Variants in BSN observed in about 807,000 individuals in gnomAD.
BSN encodes the protein protein bassoon.
Under a neutral mutation model 264.8 loss-of-function variants are expected in BSN, and 57 were observed. The ratio of observed to expected loss-of-function variants is 0.22; its 90% CI spans 0.17 to 0.27. The LOEUF is 0.27. Ranked by LOEUF, BSN falls within the 10% of genes least tolerant of loss-of-function variation. The probability of loss-of-function intolerance (pLI) is 1.00; values close to 1 mark genes in which losing one functional copy is unlikely to be tolerated. For missense variants in BSN, 4,615 were observed against 5,232.5 expected, an observed-to-expected ratio of 0.88 and a Z score of 3.64; for synonymous variants, 2,059 against 2,137.3, an observed-to-expected ratio of 0.96 and a Z score of 1.01.
chr3:49,664,719 C>T (rs2052699015), intron 9 of BSN, 80 bp from the exon 10 acceptor site: 3 of 1,584,672 alleles, frequency 1.9e-6, no homozygotes, highest in Non-Finnish European at 1.7e-6. Context: ...GCTGAGCTTG[C>T]CTTCACTATG....
chr3:49,650,481 C>T, intron 3 of BSN, 131 bp from the exon 4 acceptor site: 1 of 865,070 alleles, frequency 1.2e-6, no homozygotes, highest in African/African-American at 1.7e-5. Context: ...GTCTTTTTCT[C>T]CTTATGTCTT....
At chr3:49,587,099 G>A (rs184874412) in intron 1 of BSN, among the ~76,000 whole-genome samples, 1 of 152,086 alleles carries the variant, frequency 6.6e-6, no homozygotes, top group East Asian at 1.9e-4. Flanking sequence ...GTGTTTCATA[G>A]TTTTCCTTAT....
chr3:49,607,383 G>C (rs544813994), intron 1 of BSN, among the ~76,000 whole-genome samples: 1 of 152,172 alleles, frequency 6.6e-6, no homozygotes, highest in South Asian at 2.1e-4. Context: ...AGGCATTCTG[G>C]GTGTGGTGAT....
chr3:49,568,370 G>A lies in BSN; in HGVS notation c.224+13544G>A, dbSNP rs144892322. Among the ~76,000 whole-genome samples the A allele has an allele frequency of 2.7e-3, 416 of 152,254 alleles. 3 individuals carry two copies. Among genetic ancestry groups the A allele is most frequent in the African/African-American group, 9.3e-3 (386 of 41,556 alleles). ...ATTTAATTTTTAAAAATTATATAAA[G>A]CTTTCCTATGATTCCAAATAAAACA... On this transcript the variant is annotated intron_variant, in intron 1 of 11. Coordinates refer to ENST00000296452, the MANE Select transcript of BSN (RefSeq NM_003458.4).
intron 1 of BSN, among the ~76,000 whole-genome samples, chr3:49,571,461 G>A (rs2051794500): frequency 6.6e-6 from 1 of 152,154 alleles, no homozygotes; most frequent in Admixed American, 6.5e-5. Flanking sequence ...AGTAGACTGG[G>A]GTTGGGGAGA....
intron 1 of BSN, among the ~76,000 whole-genome samples, chr3:49,607,971 T>C (rs2052172207): frequency 6.6e-6 from 1 of 152,186 alleles, no homozygotes; most frequent in Admixed American, 6.5e-5. Context: ...TGAGGGGGAC[T>C]GAGAATCAAT....
At chr3:49,579,703 G>C (rs907306243) in intron 1 of BSN, among the ~76,000 whole-genome samples, 1 of 151,916 alleles carries the variant, frequency 6.6e-6, no homozygotes, top group African/African-American at 2.4e-5. Context: ...TTACAGGTGT[G>C]AGCCACCGCA....
At chr3:49,593,992 C>T (rs2052001583) in intron 1 of BSN, among the ~76,000 whole-genome samples, 1 of 151,848 alleles carries the variant, frequency 6.6e-6, no homozygotes, top group African/African-American at 2.4e-5. Context: ...TTAGTAGAGA[C>T]AGGGTTTCAC....
rs2052722707 is a variant in BSN at position 49,667,835 on chromosome 3, G to C, written c.*350G>C. The C allele has an allele frequency of 6.6e-6, 1 of 152,472 alleles. No individual in the cohort carries two copies. The highest frequency in any genetic ancestry group is 2.4e-5 in the African/African-American group (1 of 41,452). The allele number at this position is 152,472 out of a possible 1,614,324, so 9.4% of individuals were successfully genotyped here. On this transcript the variant is annotated 3_prime_UTR_variant, in exon 12 of 12. Transcript: ENST00000296452. ...CCCTCTCCAGAAACCCTGCCACCAT[G>C]GTGTCTTGCCGTACTTCCCACAGCC...
chr3:49,594,704 CTG>C (rs1254284348), intron 1 of BSN, among the ~76,000 whole-genome samples: 1 of 151,968 alleles, frequency 6.6e-6, no homozygotes, highest in Non-Finnish European at 1.5e-5. Context: ...TTTTCTATGT[CTG>C]TAAAAAAATT....
rs1159578565 is a variant in BSN at position 49,554,821 on chromosome 3, G to C, written c.219G>C (p.Pro73=). 5 of 1,141,480 alleles carry C rather than the reference G, an allele frequency of 4.4e-6. No homozygotes were observed. The highest frequency in any genetic ancestry group is 1.6e-5 in the African/African-American group (1 of 60,662). 70.7% of individuals were successfully genotyped at this position (1,141,480 alleles called of 1,614,324 possible). Residue 73 remains proline (P), a synonymous_variant, in exon 1 of 12, where the codon CCG becomes CCC. Coordinates refer to ENST00000296452, the MANE Select transcript of BSN (RefSeq NM_003458.4). ...CCGGCCCCGGTCCCGGCCCTGGCCC[G>C]GGCAGGTAAGCGCGTGTCTCGGCGC... ...PGPGPGPGPG[P]GSTSRRLDPK... is the part of the protein sequence containing the mutation.
At chr3:49,587,923 T>TTTTCTTTTCTTTTCTTTTCTTTTC (rs1418602183) in intron 1 of BSN, among the ~76,000 whole-genome samples, 12 of 148,730 alleles carry the variant, frequency 8.1e-5, no homozygotes, top group African/African-American at 3.0e-4. Flanking sequence ...TTTTCTTTTC[T>TTTTCTTTTCTTTTCTTTTCTTTTC]TTTCTTTTTT....
rs1427699878 is a variant in BSN, at chr3:49,585,680, T to A, written c.224+30854T>A. On this transcript the variant is annotated intron_variant, in intron 1 of 11. Coordinates refer to ENST00000296452, the MANE Select transcript of BSN (RefSeq NM_003458.4). This position sits in a 1 kb window ranked among gnomAD's most constrained non-coding sequence, Gnocchi z 4.7. The stretch of plus-strand genomic sequence containing the variant: ...TTAGTTTTTTGAGAAACCTCCAAAC[T>A]GTTCTTCATAGTGGTTGTACTAATT... Among the ~76,000 whole-genome samples, 5 of 152,260 alleles carry A rather than the reference T, an allele frequency of 3.3e-5. No homozygotes were observed. Among genetic ancestry groups the A allele is most frequent in the African/African-American group, 9.6e-5 (4 of 41,472 alleles).
intron 1 of BSN, among the ~76,000 whole-genome samples, chr3:49,576,427 C>CTT (rs1164537220): frequency 7.1e-6 from 1 of 140,706 alleles, no homozygotes. Context: ...TTTCTTTTTT[C>CTT]TTTTTTTTTT....
intron 1 of BSN, among the ~76,000 whole-genome samples, chr3:49,620,233 T>C (rs2052294509): frequency 6.6e-6 from 1 of 152,010 alleles, no homozygotes; most frequent in Non-Finnish European, 1.5e-5. Context: ...AAGACCAACC[T>C]GGCCAATATG....
At chr3:49,586,593 A>C (rs1186905246) in intron 1 of BSN, among the ~76,000 whole-genome samples, 1 of 152,174 alleles carries the variant, frequency 6.6e-6, no homozygotes, top group South Asian at 2.1e-4. Context: ...CGTCCATCTC[A>C]GCTTCCCAGA....
In BSN at chr3:49,629,109, G is replaced by A. The variant is rs79952577; in HGVS notation, c.633+3726G>A. On this transcript the variant is annotated intron_variant, in intron 2 of 11. Transcript: ENST00000296452. ...GTTAGCATTCAGTCCTTACTGACAA[G>A]GAGAAGGCAGGAAGACCATTCTCCT... 3.1e-3 allele frequency among the ~76,000 whole-genome samples: 479 copies of A among 152,298 alleles called. 3 individuals carry two copies. The highest frequency in any genetic ancestry group is 0.011 in the African/African-American group (468 of 41,558).
intron 1 of BSN, among the ~76,000 whole-genome samples, chr3:49,605,899 T>C (rs1233397403): frequency 1.4e-4 from 2 of 14,546 alleles, no homozygotes; most frequent in Non-Finnish European, 2.5e-4. Flanking sequence ...TATATTTATG[T>C]CTATATAAAT....
chr3:49,661,685 G>C lies in BSN; in HGVS notation c.9840G>C (p.Leu3280=). Residue 3280 remains leucine (L), a synonymous_variant, in exon 6 of 12, where the codon CTG becomes CTC. Transcript: ENST00000296452. ...GEPGVLDGPT[L]PCCYARGEEE... The stretch of plus-strand genomic sequence containing the variant: ...CAGGTGTCCTTGACGGGCCCACACT[G>C]CCCTGCTGCTATGCCAGAGGAGAAG... 1 of 1,613,714 alleles carries C rather than the reference G, an allele frequency of 6.2e-7. No homozygotes were observed.
Sources: gnomAD v4.1 joint callset for allele counts (sites outside exome capture counted in the v4.1 genomes callset) on GRCh38, gnomAD v4.1.1 for gene constraint, Gnocchi (gnomAD v3.1) non-coding constraint, MANE v1.5 for transcripts, NCBI Gene and HGNC (gene_info 2026-07-23, HGNC 2026-07-21) for gene names.